PKD2L2: variants seen among roughly 807,000 people sequenced by gnomAD.
The protein encoded by PKD2L2 is polycystin-2-like protein 2.
A neutral mutation model predicts 83.9 loss-of-function variants in PKD2L2; 67 were observed. That is an observed-to-expected ratio of 0.80 (90% CI 0.66 to 0.98). The LOEUF (loss-of-function observed/expected upper bound fraction) is 0.98. Among genes scored for constraint, PKD2L2 ranks in the 50% least tolerant of loss-of-function variants. PKD2L2 has a pLI of 0.00. For synonymous variants in PKD2L2, 223 were observed against 237.8 expected, an observed-to-expected ratio of 0.94 and a Z score of 0.57; for missense variants, 632 against 717.2, an observed-to-expected ratio of 0.88 and a Z score of 1.36.
chr5:137,915,050 T>C (rs897789173), intron 8 of PKD2L2, among the ~76,000 whole-genome samples: 14 of 152,234 alleles, frequency 9.2e-5, no homozygotes, highest in African/African-American at 3.4e-4. Flanking sequence ...TTTTTGCATC[T>C]ATCTTCATTA....
At chr5:137,935,682 C>CT in intron 12 of PKD2L2, 115 bp from the exon 13 acceptor site, 2 of 624,948 alleles carry the variant, frequency 3.2e-6, no homozygotes, top group Non-Finnish European at 5.6e-6. Flanking sequence ...GGCTCAAAAT[C>CT]TGAGGGCTGG....
Position 137,890,543 on chromosome 5 carries a change from T to C in PKD2L2, c.94T>C (p.Leu32=). Residue 32 remains leucine (L), a synonymous_variant, in exon 2 of 15, where the codon TTG becomes CTG. Transcript: ENST00000508883. ...EVEITTTLQE[L]LLYFIFLINL... ...AGAAATTACAACCACACTTCAGGAA[T>C]TGTTACTCTACTTTATTTTTTTAAT... is the stretch of plus-strand genomic sequence containing the variant. The C allele has an allele frequency of 1.3e-6, 2 of 1,563,432 alleles. No homozygotes were observed. Among genetic ancestry groups the C allele is most frequent in the Middle Eastern group, 1.7e-4 (1 of 5,812 alleles).
intron 14 of PKD2L2, chr5:137,940,489 A>AGTTCAATAACCTTTT: frequency 1.6e-6 from 1 of 615,564 alleles, no homozygotes; most frequent in Non-Finnish European, 2.8e-6. Flanking sequence ...AAAAAAGGTT[A>AGTTCAATAACCTTTT]TTGAACTAAT....
At chr5:137,939,898 C>T (rs1761135817) in intron 14 of PKD2L2, 1 of 1,331,302 alleles carries the variant, frequency 7.5e-7, no homozygotes, top group South Asian at 2.3e-5. Flanking sequence ...AAAAAGCTTG[C>T]ATTTCCAAAG....
chr5:137,906,258 T>C lies in PKD2L2; in HGVS notation c.799T>C (p.Tyr267His). 6.2e-7 allele frequency: 1 copy of C among 1,613,076 alleles called. No homozygotes were observed. Among genetic ancestry groups the C allele is most frequent in the African/African-American group, 1.3e-5 (1 of 75,050 alleles). Residue 267 changes from tyrosine to histidine, a missense_variant, in exon 6 of 15, where the codon TAC (tyrosine) becomes CAC (histidine). Coordinates refer to ENST00000508883, the MANE Select transcript of PKD2L2 (RefSeq NM_001300921.2). ...TGGILTSWQF[Y>H]SVKLLRYVSY... Reference sequence around the variant, plus strand: ...AGGAATACTTACTTCATGGCAGTTTTACTCTGTGAAGCTCCTCAGATATGT... The same window carrying C: ...AGGAATACTTACTTCATGGCAGTTTCACTCTGTGAAGCTCCTCAGATATGT...
At chr5:137,918,944 ATGTGTG>A (rs67036547) in intron 8 of PKD2L2, among the ~76,000 whole-genome samples, 1 of 146,320 alleles carries the variant, frequency 6.8e-6, no homozygotes, top group African/African-American at 2.5e-5. Flanking sequence ...GGCCTGCACA[ATGTGTG>A]TGTGTGTGTG....
chr5:137,909,053 T>A, intron 8 of PKD2L2, 107 bp downstream of exon 8: 1 of 632,944 alleles, frequency 1.6e-6, no homozygotes, highest in Non-Finnish European at 2.7e-6. Flanking sequence ...TTAATATATT[T>A]AAACTTAGTT....
Position 137,935,863 on chromosome 5 carries a change from G to T in PKD2L2, c.1738G>T (p.Glu580Ter). Residue 580 changes from glutamate to a stop codon, truncating the protein, a stop_gained, in exon 13 of 15, where the codon GAA becomes TAA. Transcript: ENST00000508883. LOFTEE classifies it high-confidence loss of function. ...GCTTGAGAAAAAGTATTATTCTATG[G>T]AAATTCAAGATGACTACCAGCCTGT... ...ERLEKKYYSMEIQDDYQPVTQ... is the reference protein window; with the variant it reads ...ERLEKKYYSM 1 of 1,610,490 alleles carries T rather than the reference G, an allele frequency of 6.2e-7. No homozygotes were observed. Among genetic ancestry groups the T allele is most frequent in the South Asian group, 1.1e-5 (1 of 90,986 alleles).
At chr5:137,904,152 G>T (rs1757181300) in intron 5 of PKD2L2, among the ~76,000 whole-genome samples, 2 of 152,116 alleles carry the variant, frequency 1.3e-5, no homozygotes, top group South Asian at 4.1e-4. Context: ...TTCATTGGTG[G>T]GTTCAGATAT....
At chr5:137,913,676 A>T (rs185064218) in intron 8 of PKD2L2, among the ~76,000 whole-genome samples, 258 of 151,516 alleles carry the variant, frequency 1.7e-3, no homozygotes, top group Non-Finnish European at 3.0e-3. Flanking sequence ...TTTTTAGTAG[A>T]GTTGGGGTTT....
chr5:137,908,010 TTAAG>T, intron 7 of PKD2L2, 98 bp downstream of exon 7: 1 of 551,092 alleles, frequency 1.8e-6, no homozygotes, highest in Non-Finnish European at 2.9e-6. Context: ...TTTTCAACTA[TTAAG>T]TAATTTTAAA....
At chr5:137,927,598 TTATAC>T (rs1192588343) in intron 12 of PKD2L2, among the ~76,000 whole-genome samples, 2 of 152,198 alleles carry the variant, frequency 1.3e-5, no homozygotes, top group Non-Finnish European at 1.5e-5. Flanking sequence ...ATTCTGATGG[TTATAC>T]TATAATTATA....
At chr5:137,895,826 T>A (rs1215748529) in intron 4 of PKD2L2, among the ~76,000 whole-genome samples, 2 of 146,664 alleles carry the variant, frequency 1.4e-5, no homozygotes, top group Non-Finnish European at 3.0e-5. Context: ...TGTGGTGAAC[T>A]GAGATCATGC....
intron 14 of PKD2L2, among the ~76,000 whole-genome samples, chr5:137,941,072 ATTT>A (rs1581028698): frequency 6.6e-6 from 1 of 151,678 alleles, no homozygotes; most frequent in Non-Finnish European, 1.5e-5. Flanking sequence ...CGCCTGCCTA[ATTT>A]TTTTTGTATT....
chr5:137,892,232 G>C (rs1468322529), intron 2 of PKD2L2, among the ~76,000 whole-genome samples: 1 of 152,104 alleles, frequency 6.6e-6, no homozygotes, highest in African/African-American at 2.4e-5. Flanking sequence ...CCTCATTTTT[G>C]TAAAGATAAA....
At chr5:137,934,135 C>G (rs930409708) in intron 12 of PKD2L2, among the ~76,000 whole-genome samples, 55 of 152,048 alleles carry the variant, frequency 3.6e-4, no homozygotes, top group African/African-American at 1.3e-3. Context: ...TGAAGATCAT[C>G]CAGAGACAAC....
At chr5:137,931,952 G>A (rs191466373) in intron 12 of PKD2L2, among the ~76,000 whole-genome samples, 2 of 152,122 alleles carry the variant, frequency 1.3e-5, no homozygotes, top group Non-Finnish European at 2.9e-5. Flanking sequence ...ACATCAATTG[G>A]TTTGGTAAAA....
At chr5:137,909,068 ATTTTCT>A (rs989164947) in intron 8 of PKD2L2, 122 bp downstream of exon 8, 7 of 606,768 alleles carry the variant, frequency 1.2e-5, no homozygotes, top group South Asian at 9.2e-5. Flanking sequence ...TTAGTTTGAT[ATTTTCT>A]TTTTCTTTTT....
Position 137,906,448 on chromosome 5 carries a change from C to T in PKD2L2, c.975+14C>T. 1.5e-6 allele frequency: 2 copies of T among 1,363,738 alleles called. No individual in the cohort carries two copies. The highest frequency in any genetic ancestry group is 2.1e-6 in the Non-Finnish European group (2 of 961,696). The allele number at this position is 1,363,738 out of a possible 1,614,324, so 84.5% of individuals were successfully genotyped here. On this transcript the variant is annotated intron_variant, in intron 6 of 14. Transcript: ENST00000508883. Reference sequence around the variant, plus strand: ...CTACTTTTGCTGGTGAGTATATATTCATGTGTATGGTTGAAGGGGATCACA... The same window carrying T: ...CTACTTTTGCTGGTGAGTATATATTTATGTGTATGGTTGAAGGGGATCACA...
Sources: gnomAD v4.1 joint callset for allele counts (sites outside exome capture counted in the v4.1 genomes callset) on GRCh38, gnomAD v4.1.1 for gene constraint, MANE v1.5 for transcripts, NCBI Gene and HGNC (gene_info 2026-07-23, HGNC 2026-07-21) for gene names.